HK1: variants seen among roughly 807,000 people sequenced by gnomAD.
HK1 encodes hexokinase 1, also known as hexokinase-1.
Under a neutral mutation model 91.6 loss-of-function variants are expected in HK1, and 28 were observed. That is an observed-to-expected ratio of 0.31 (90% CI 0.23 to 0.42). The LOEUF (loss-of-function observed/expected upper bound fraction) is 0.42, where lower values mean the gene tolerates loss of function less well. Ranked by LOEUF, HK1 falls within the 10% of genes least tolerant of loss-of-function variation. The pLI is 1.00. For synonymous variants in HK1, 430 were observed against 468.1 expected, an observed-to-expected ratio of 0.92 and a Z score of 1.05; for missense variants, 770 against 1,219.8, an observed-to-expected ratio of 0.63 and a Z score of 5.49.
chr10:69,387,722 G>T (rs907514465), intron 13 of HK1, among the ~76,000 whole-genome samples: 1 of 152,098 alleles, frequency 6.6e-6, no homozygotes, highest in Non-Finnish European at 1.5e-5. Context: ...CTCCAGTGTT[G>T]CAATGAGTCA....
At chr10:69,283,290 T>TAA (rs541841675) in intron 2 of HK1, among the ~76,000 whole-genome samples, 1 of 135,570 alleles carries the variant, frequency 7.4e-6, no homozygotes. Flanking sequence ...CTACCAAAAT[T>TAA]AAAAAAAAAA....
At chr10:69,392,009 T>C (rs1839915955) in intron 14 of HK1, 116 bp from the exon 15 acceptor site, 1 of 926,352 alleles carries the variant, frequency 1.1e-6, no homozygotes, top group East Asian at 2.5e-5. Flanking sequence ...ATTACTTTGT[T>C]CATCACAAAA....
rs146521595 is a variant in HK1 at position 69,401,403 on chromosome 10, T to G, written c.*268T>G. The G allele has an allele frequency of 1.8e-6, 1 of 558,206 alleles. No individual in the cohort carries two copies. The highest frequency in any genetic ancestry group is 1.9e-5 in the African/African-American group (1 of 53,062). 34.6% of individuals were successfully genotyped at this position (558,206 alleles called of 1,614,324 possible). A position where few individuals can be genotyped will look rare whatever the true frequency, so the allele number is the denominator to read the frequency against. On this transcript the variant is annotated 3_prime_UTR_variant, in exon 18 of 18. Transcript: ENST00000359426. ...CTGGTCCCCCACGTGTGAAGTGTAG[T>G]GGCATCCATTTCTAATGTATGCATT...
Position 69,401,379 on chromosome 10 carries a change from T to C in HK1, c.*244T>C. ...CACTTTGCATGGTTTGATTTTGACC[T>C]GGTCCCCCACGTGTGAAGTGTAGTG... On this transcript the variant is annotated 3_prime_UTR_variant, in exon 18 of 18. Coordinates refer to ENST00000359426, the MANE Select transcript of HK1 (RefSeq NM_000188.3). 1 of 589,744 alleles carries C rather than the reference T, an allele frequency of 1.7e-6. No homozygotes were observed. The highest frequency in any genetic ancestry group is 3.0e-6 in the Non-Finnish European group (1 of 329,628). The allele number at this position is 589,744 out of a possible 1,614,324, so 36.5% of individuals were successfully genotyped here.
intron 16 of HK1, among the ~76,000 whole-genome samples, chr10:69,395,569 G>A (rs568766186): frequency 5.9e-5 from 9 of 152,300 alleles, no homozygotes; most frequent in East Asian, 1.9e-4. Flanking sequence ...GCAACAGAGC[G>A]AGACTGCATC....
chr10:69,338,776 A>AGT (rs367607988), intron 1 of HK1: 37 of 1,049,410 alleles, frequency 3.5e-5, no homozygotes, highest in African/African-American at 1.3e-4. Flanking sequence ...TGTATGTGAG[A>AGT]GTGTGTGTGT....
chr10:69,348,564 A>G (rs1284036051), intron 2 of HK1, among the ~76,000 whole-genome samples: 1 of 152,166 alleles, frequency 6.6e-6, no homozygotes, highest in Non-Finnish European at 1.5e-5. Flanking sequence ...TAATCCCAGC[A>G]CTTTGGGAGG....
chr10:69,323,520 C>CAAA (rs11421011), intron 1 of HK1, among the ~76,000 whole-genome samples: 12 of 95,222 alleles, frequency 1.3e-4, no homozygotes, highest in East Asian at 6.9e-4. Flanking sequence ...GACTCTGTCT[C>CAAA]AAAAAAAAAA....
intron 4 of HK1, among the ~76,000 whole-genome samples, chr10:69,295,865 A>C (rs1845539472): frequency 6.6e-6 from 1 of 152,094 alleles, no homozygotes; most frequent in African/African-American, 2.4e-5. Flanking sequence ...CTGAACAGGG[A>C]AGGTGCTTTC....
intron 5 of HK1, among the ~76,000 whole-genome samples, chr10:69,308,929 T>TGAA (rs970723015): frequency 3.9e-5 from 6 of 152,278 alleles, no homozygotes; most frequent in Admixed American, 3.3e-4. Flanking sequence ...CCTCCTGCTG[T>TGAA]GAAGCTCAGT....
Position 69,384,873 on chromosome 10 carries a change from C to T in HK1, c.1797C>T (p.Gly599=), listed in dbSNP as rs1470153210. 1.2e-6 allele frequency: 2 copies of T among 1,614,176 alleles called. No individual in the cohort carries two copies. The highest frequency in any genetic ancestry group is 2.2e-5 in the South Asian group (2 of 91,078). Residue 599 remains glycine, a synonymous_variant, in exon 12 of 18, where the codon GGC becomes GGT. Coordinates refer to ENST00000359426, the MANE Select transcript of HK1 (RefSeq NM_000188.3). The part of the protein sequence containing the change: ...MGIKGPRMPL[G]FTFSFPCQQT... ...TCAAAGGCCCCAGGATGCCTCTGGG[C>T]TTCACGTTCTCATTTCCCTGCCAGC...
chr10:69,372,029 G>T (rs1850033145), intron 7 of HK1, among the ~76,000 whole-genome samples: 1 of 152,230 alleles, frequency 6.6e-6, no homozygotes, highest in Non-Finnish European at 1.5e-5. Flanking sequence ...ACAGTTCCAT[G>T]TAGCTGGGGA....
In HK1 at chr10:69,334,020, A is replaced by T. The variant is rs544145813; in HGVS notation, c.64-9807A>T. ...CAGCTACTCAGGAGGTTGAGGCAGG[A>T]GAATCGCTTGAACCCGGGAGGTGGA... On this transcript the variant is annotated intron_variant, in intron 1 of 17. Transcript: ENST00000359426. 2.0e-5 allele frequency among the ~76,000 whole-genome samples: 3 copies of T among 152,254 alleles called. No individual in the cohort carries two copies. The South Asian group carries it at 6.2e-4, about 32-fold the overall frequency.
chr10:69,334,509 C>T (rs1847881461), intron 1 of HK1, among the ~76,000 whole-genome samples: 1 of 152,208 alleles, frequency 6.6e-6, no homozygotes, highest in African/African-American at 2.4e-5. Flanking sequence ...AACTCTGTAC[C>T]TTAAAGTGAG....
intron 1 of HK1, among the ~76,000 whole-genome samples, chr10:69,280,924 A>G (rs1250142657): frequency 6.6e-6 from 1 of 152,154 alleles, no homozygotes; most frequent in African/African-American, 2.4e-5. Context: ...CTGTGCCACT[A>G]ATCTCTGAAT....
chr10:69,327,368 T>C (rs1847444320), intron 1 of HK1, among the ~76,000 whole-genome samples: 1 of 152,244 alleles, frequency 6.6e-6, no homozygotes, highest in South Asian at 2.1e-4. Flanking sequence ...CTCAACATTG[T>C]ATTTTTGAGA....
intron 2 of HK1, among the ~76,000 whole-genome samples, chr10:69,356,725 A>G (rs1233622739): frequency 2.0e-5 from 3 of 152,054 alleles, no homozygotes; most frequent in Non-Finnish European, 4.4e-5. Context: ...TCTACTAAAA[A>G]TACAAAAATT....
intron 4 of HK1, 118 bp downstream of exon 4, chr10:69,365,020 T>C (rs1171540437): frequency 8.6e-7 from 1 of 1,158,828 alleles, no homozygotes; most frequent in Non-Finnish European, 1.3e-6. Flanking sequence ...GTCTGGTATT[T>C]TTAAAGAAAC....
chr10:69,280,369 G>A (rs1014816170), intron 1 of HK1, among the ~76,000 whole-genome samples: 4 of 152,102 alleles, frequency 2.6e-5, no homozygotes, highest in African/African-American at 9.7e-5. Flanking sequence ...TGCCCACCTC[G>A]GCCTCCCAAA....
Sources: allele counts gnomAD v4.1 joint callset (sites outside exome capture counted in the v4.1 genomes callset), GRCh38; gene constraint gnomAD v4.1.1; transcripts MANE v1.5; gene names NCBI Gene and HGNC (gene_info 2026-07-23, HGNC 2026-07-21).